The following ERICH2 variants were observed in gnomAD, a reference collection of about 807,000 sequenced individuals.
ERICH2 encodes the protein glutamate-rich protein 2.
In ERICH2, 17 loss-of-function variants were observed where a neutral mutation model predicts 17.4. The ratio of observed to expected loss-of-function variants is 0.98; its 90% CI spans 0.67 to 1.47. The LOEUF (loss-of-function observed/expected upper bound fraction) is 1.47. Among genes scored for constraint, ERICH2 ranks in the 40% most tolerant of loss-of-function variants. ERICH2 has a pLI of 0.00. For missense variants in ERICH2, 186 were observed against 183.2 expected (o/e 1.01, Z -0.09); for synonymous variants, 51 against 61.1 (o/e 0.83, Z 0.77).
Position 170,788,208 on chromosome 2 carries a change from A to G in ERICH2, c.216+3375A>G, listed in dbSNP as rs191640561. 1.5e-3 allele frequency among the ~76,000 whole-genome samples: 236 copies of G among 152,356 alleles called. 3 individuals carry two copies. Among genetic ancestry groups the G allele is most frequent in the Admixed American group, 3.6e-3 (55 of 15,306 alleles). On this transcript the variant is annotated intron_variant, in intron 2 of 4. Transcript: ENST00000409885. Reference sequence around the variant, plus strand: ...GAAAAATTAATGCCAAATATTAGAAAGACTTCACTTAGTCTTCTTTTGACT... The same window carrying G: ...GAAAAATTAATGCCAAATATTAGAAGGACTTCACTTAGTCTTCTTTTGACT...
Position 170,798,023 on chromosome 2 carries a change from G to A in ERICH2, c.275-18G>A. The A allele has an allele frequency of 6.6e-7, 1 of 1,523,298 alleles. No homozygotes were observed. The highest frequency in any genetic ancestry group is 8.9e-7 in the Non-Finnish European group (1 of 1,122,482). 94.4% of individuals were successfully genotyped at this position (1,523,298 alleles called of 1,614,324 possible). ...GAACGTTAATAACACACATTCTGTT[G>A]TCCATTTTCATTTTCAGTCCTAATC... On this transcript the variant is annotated intron_variant, in intron 3 of 4. Transcript: ENST00000409885.
chr2:170,771,166 T>G, the ERICH2 span: 148,050 of 154,566 alleles, frequency 0.96, 71,222 homozygotes, highest in East Asian at 1. The surrounding 1 kb of genome is among the most constrained non-coding windows in gnomAD (Gnocchi z 4.8). Flanking sequence ...TCGGATGGTC[T>G]GCTGAAGAGG....
At chr2:170,789,982 G>A (rs1701247924) in intron 2 of ERICH2, among the ~76,000 whole-genome samples, 1 of 152,056 alleles carries the variant, frequency 6.6e-6, no homozygotes, top group African/African-American at 2.4e-5. Flanking sequence ...TGAGAATTGG[G>A]AAATTGGATT....
chr2:170,782,992 G>A (rs1701066057), upstream of ERICH2, among the ~76,000 whole-genome samples: 1 of 152,146 alleles, frequency 6.6e-6, no homozygotes, highest in African/African-American at 2.4e-5. Context: ...TAGCTACTAG[G>A]AAGGCTGAAG....
intron 2 of ERICH2, among the ~76,000 whole-genome samples, chr2:170,791,709 A>C: frequency 1.2e-5 from 1 of 80,516 alleles, no homozygotes; most frequent in Non-Finnish European, 3.1e-5. Flanking sequence ...TAAATAAATA[A>C]AATAAAATAA....
the ERICH2 span, chr2:170,777,745 T>G: frequency 8.6e-6 from 9 of 1,050,498 alleles, no homozygotes; most frequent in Non-Finnish European, 1.1e-5. Context: ...TAGAACTAGA[T>G]AATGCAGCCA....
chr2:170,788,305 T>C (rs1266605671), intron 2 of ERICH2, among the ~76,000 whole-genome samples: 1 of 152,168 alleles, frequency 6.6e-6, no homozygotes, highest in African/African-American at 2.4e-5. Flanking sequence ...TCTCTGGAGT[T>C]GTTTTGTTTT....
intron 3 of ERICH2, among the ~76,000 whole-genome samples, chr2:170,796,428 G>GTTTTTTTTTT (rs869301301): frequency 7.0e-5 from 8 of 114,494 alleles, no homozygotes; most frequent in Admixed American, 2.1e-4. Context: ...CTCTCTCTTT[G>GTTTTTTTTTT]TTTTTTTTTT....
At chr2:170,773,845 C>G in the ERICH2 span, among the ~76,000 whole-genome samples, 3 of 152,056 alleles carry the variant, frequency 2.0e-5, no homozygotes, top group African/African-American at 7.2e-5. Flanking sequence ...CCTACCTCAG[C>G]CTCTTGAGTA....
At chr2:170,797,360 C>T (rs1701450473) in intron 3 of ERICH2, among the ~76,000 whole-genome samples, 1 of 152,184 alleles carries the variant, frequency 6.6e-6, no homozygotes, top group Admixed American at 6.5e-5. Context: ...GGCACACAGT[C>T]TTCTCATTAG....
At position 170,792,549 on chromosome 2, in the gene ERICH2, TTAAAA is replaced by T. The variant is rs147360279; in HGVS notation, c.217-309_217-305del. Among the ~76,000 whole-genome samples, 592 of 152,278 alleles carry T rather than the reference TTAAAA, an allele frequency of 3.9e-3. 4 individuals carry two copies. Among genetic ancestry groups the T allele is most frequent in the African/African-American group, 0.013 (544 of 41,556 alleles). On this transcript the variant is annotated intron_variant, in intron 2 of 4. Coordinates refer to ENST00000409885, the Ensembl canonical transcript of ERICH2. The stretch of plus-strand genomic sequence containing the variant: ...AACCTGTATCTGAACCAAAGGAATA[TTAAAA>T]TAAAGTGATTAATGTCTTCACTATC...
At chr2:170,780,711 ATTT>A (rs1226326296), upstream of ERICH2, among the ~76,000 whole-genome samples, 150 of 152,204 alleles carry the variant, frequency 9.9e-4, 2 homozygotes, top group Non-Finnish European at 1.2e-4. Context: ...TTGGCAATAT[ATTT>A]TTCTTTTTTA....
chr2:170,780,450 A>G (rs1276126390), upstream of ERICH2, among the ~76,000 whole-genome samples: 1 of 152,196 alleles, frequency 6.6e-6, no homozygotes, highest in East Asian at 1.9e-4. Context: ...TTTTTCTGGC[A>G]TGTTCACTGC....
At chr2:170,781,171 C>A (rs1011606340), upstream of ERICH2, among the ~76,000 whole-genome samples, 1 of 152,138 alleles carries the variant, frequency 6.6e-6, no homozygotes, top group Non-Finnish European at 1.5e-5. Flanking sequence ...ACTAACTTAA[C>A]TACTAATGTT....
intron 2 of ERICH2, among the ~76,000 whole-genome samples, chr2:170,787,047 G>GTTTA (rs1257586980): frequency 1.2e-4 from 18 of 151,888 alleles, no homozygotes; most frequent in African/African-American, 3.9e-4. Context: ...TTGTTTGTTT[G>GTTTA]TTTGTTTGTT....
the ERICH2 span, among the ~76,000 whole-genome samples, chr2:170,773,378 G>A: frequency 6.6e-6 from 1 of 152,300 alleles, no homozygotes; most frequent in Middle Eastern, 3.4e-3. Context: ...TATAATCTTT[G>A]CAAAGGCAAT....
rs1272927587 is a variant in ERICH2, at chr2:170,794,347, AT to A, written c.274+1429del. 2.0e-5 allele frequency among the ~76,000 whole-genome samples: 3 copies of A among 151,908 alleles called. No individual in the cohort carries two copies. The East Asian group carries it at 5.8e-4, about 29-fold the overall frequency. ...GGTCTCGAACTCTTGGCCTCAAGTG[AT>A]TCTCCTGCCTCAGCCTCCCAAAGTG... On this transcript the variant is annotated intron_variant, in intron 3 of 4. Coordinates refer to ENST00000409885, the Ensembl canonical transcript of ERICH2.
intron 2 of ERICH2, among the ~76,000 whole-genome samples, chr2:170,788,630 C>A (rs1429784579): frequency 6.6e-6 from 1 of 152,044 alleles, no homozygotes. Flanking sequence ...CGCCACCACA[C>A]CCAGCTAATT....
intron 3 of ERICH2, among the ~76,000 whole-genome samples, chr2:170,795,204 C>A (rs1279955077): frequency 6.6e-6 from 1 of 152,092 alleles, no homozygotes; most frequent in Non-Finnish European, 1.5e-5. Flanking sequence ...TCTTGAACTG[C>A]TAGGCTCAAG....
Sources: gnomAD v4.1 joint callset for allele counts (sites outside exome capture counted in the v4.1 genomes callset) on GRCh38, gnomAD v4.1.1 for gene constraint, Gnocchi (gnomAD v3.1) non-coding constraint, MANE v1.5 for transcripts, NCBI Gene and HGNC (gene_info 2026-07-23, HGNC 2026-07-21) for gene names.